Variants in NHSL1 observed in about 807,000 individuals in gnomAD.
NHSL1 encodes NHS-like protein 1.
In NHSL1, 48 loss-of-function variants were observed where a neutral mutation model predicts 95.0. That is an observed-to-expected ratio of 0.51 (90% confidence interval 0.40 to 0.64). The LOEUF (loss-of-function observed/expected upper bound fraction) is 0.64. Ranked by LOEUF, NHSL1 falls within the 30% of genes least tolerant of loss-of-function variation. The probability of loss-of-function intolerance (pLI) is 0.00; values close to 1 mark genes in which losing one functional copy is unlikely to be tolerated. For synonymous variants in NHSL1, 783 were observed against 833.9 expected, an observed-to-expected ratio of 0.94 and a Z score of 1.05; for missense variants, 1,971 against 2,077.7, an observed-to-expected ratio of 0.95 and a Z score of 1.00.
chr6:138,595,097 T>C (rs924316906), intron 1 of NHSL1, among the ~76,000 whole-genome samples: 13 of 152,216 alleles, frequency 8.5e-5, no homozygotes, highest in African/African-American at 2.9e-4. Context: ...ACAATATACA[T>C]CACAGGGTGT....
chr6:138,680,906 C>T (rs1390331865), intron 1 of NHSL1, among the ~76,000 whole-genome samples: 4 of 152,174 alleles, frequency 2.6e-5, no homozygotes, highest in Non-Finnish European at 5.9e-5. Context: ...CATGAGCCAC[C>T]GTGCCCAGCC....
At position 138,517,979 on chromosome 6, in the gene NHSL1, G is replaced by A. The variant is rs530369097; in HGVS notation, c.17-21608C>T. On this transcript the variant is annotated intron_variant, in intron 1 of 4. Transcript: ENST00000342260. ...GTAGCTGCAAGGGAGTCTGGGAAGC[G>A]AACGTTGTTAGTTCTGTGGCTGGTT... Among the ~76,000 whole-genome samples the A allele has an allele frequency of 1.1e-4, 17 of 152,280 alleles. No individual in the cohort carries two copies. The East Asian group carries it at 2.3e-3, about 21-fold the overall frequency.
At position 138,636,122 on chromosome 6, in the gene NHSL1, CAA is replaced by C. The variant is rs199791161; in HGVS notation, c.96+56352_96+56353del. ...TGGGCGACATAGTGAGACTCTGTCT[CAA>C]AAAAAAAAAAAAAAATACATCAACA... is the stretch of plus-strand genomic sequence containing the variant. On this transcript the variant is annotated intron_variant, in intron 1 of 3. Transcript: ENST00000491526. 8.7e-3 allele frequency among the ~76,000 whole-genome samples: 783 copies of C among 89,608 alleles called. 9 individuals carry two copies. In the East Asian group the frequency reaches 0.11, roughly 12 times the overall value. The allele number at this position is 89,608 out of a possible 152,430, so 58.8% of individuals were successfully genotyped here.
At chr6:138,584,052 G>A (rs1281586150) in intron 1 of NHSL1, among the ~76,000 whole-genome samples, 1 of 152,198 alleles carries the variant, frequency 6.6e-6, no homozygotes, top group Non-Finnish European at 1.5e-5. Context: ...CTAGGAGTTT[G>A]AGGCTGCAGT....
intron 5 of NHSL1, among the ~76,000 whole-genome samples, chr6:138,438,880 T>TTATA (rs765909181): frequency 6.6e-6 from 1 of 151,418 alleles, no homozygotes; most frequent in Non-Finnish European, 1.5e-5. Flanking sequence ...TAGCCAAGTG[T>TTATA]TATATATATA....
chr6:138,516,406 G>A (rs964854587), intron 1 of NHSL1, among the ~76,000 whole-genome samples: 10 of 152,022 alleles, frequency 6.6e-5, no homozygotes, highest in African/African-American at 1.2e-4. Flanking sequence ...TTAAATCCCC[G>A]TCTGCTTACA....
intron 1 of NHSL1, among the ~76,000 whole-genome samples, chr6:138,664,563 G>A (rs905747273): frequency 2.0e-5 from 3 of 152,174 alleles, no homozygotes; most frequent in African/African-American, 4.8e-5. Context: ...TAAAGAACAA[G>A]CTCAATAAAT....
intron 1 of NHSL1, among the ~76,000 whole-genome samples, chr6:138,550,956 T>C (rs911249168): frequency 6.6e-6 from 1 of 152,232 alleles, no homozygotes; most frequent in Non-Finnish European, 1.5e-5. Flanking sequence ...TACAGTACAG[T>C]AGTCCTCTCT....
At chr6:138,505,177 G>T (rs560160057) in intron 1 of NHSL1, among the ~76,000 whole-genome samples, 2 of 152,020 alleles carry the variant, frequency 1.3e-5, no homozygotes, top group Non-Finnish European at 2.9e-5. Flanking sequence ...TGTATCAAAT[G>T]CAGTTAAGGT....
intron 1 of NHSL1, among the ~76,000 whole-genome samples, chr6:138,515,002 CT>C (rs1005284044): frequency 6.6e-6 from 1 of 151,856 alleles, no homozygotes; most frequent in Non-Finnish European, 1.5e-5. Flanking sequence ...AAAAAAGTGT[CT>C]ACATGATGAG....
At chr6:138,512,257 C>T in intron 1 of NHSL1, 1 of 454,126 alleles carries the variant, frequency 2.2e-6, no homozygotes, top group South Asian at 1.6e-5. Context: ...ATTACAACTG[C>T]TTTCTGAAGA....
intron 1 of NHSL1, among the ~76,000 whole-genome samples, chr6:138,606,024 T>C (rs926462899): frequency 2.0e-5 from 3 of 152,230 alleles, no homozygotes; most frequent in Non-Finnish European, 2.9e-5. Flanking sequence ...TTTTTAAATA[T>C]GGATTTTGTG....
chr6:138,454,209 G>A (rs749150313), intron 3 of NHSL1, among the ~76,000 whole-genome samples: 2 of 152,008 alleles, frequency 1.3e-5, no homozygotes, highest in Non-Finnish European at 2.9e-5. Flanking sequence ...GTGTGCGTGC[G>A]TGCATAAACT....
intron 3 of NHSL1, among the ~76,000 whole-genome samples, chr6:138,466,045 G>C (rs1397549876): frequency 2.1e-5 from 3 of 139,898 alleles, no homozygotes; most frequent in East Asian, 4.5e-4. Flanking sequence ...CCTTTTTGGG[G>C]GGGGGGCAGG....
rs1019141875 is a variant in NHSL1 at position 138,422,838 on chromosome 6, A to G, written c.*1243T>C. 1 of 152,210 alleles carries G rather than the reference A, an allele frequency of 6.6e-6. No homozygotes were observed. The highest frequency in any genetic ancestry group is 1.5e-5 in the Non-Finnish European group (1 of 68,030). The allele number at this position is 152,210 out of a possible 1,614,324, so 9.4% of individuals were successfully genotyped here. The stretch of plus-strand genomic sequence containing the variant: ...TCTAAAAATTCATTTCCCAGGGCTA[A>G]TTGATAGCCAGGCCCTACCAATTTT... On this transcript the variant is annotated 3_prime_UTR_variant, in exon 8 of 8. Coordinates refer to ENST00000343505, the MANE Select transcript of NHSL1 (RefSeq NM_001144060.2).
intron 3 of NHSL1, chr6:138,464,184 C>T: frequency 1.4e-6 from 1 of 701,902 alleles, no homozygotes; most frequent in Non-Finnish European, 2.4e-6. Flanking sequence ...TACCTGGGCA[C>T]CAGGGGCAGC....
intron 5 of NHSL1, among the ~76,000 whole-genome samples, chr6:138,437,200 G>T (rs1482872464): frequency 6.6e-6 from 1 of 150,660 alleles, no homozygotes; most frequent in Non-Finnish European, 1.5e-5. Flanking sequence ...CTTGAACCCA[G>T]GAGGCGGAGG....
chr6:138,533,490 G>C (rs1389356757), intron 1 of NHSL1, among the ~76,000 whole-genome samples: 3 of 152,150 alleles, frequency 2.0e-5, no homozygotes, highest in African/African-American at 7.2e-5. Context: ...GGAGGTTGCG[G>C]TGAGCCGAGA....
chr6:138,673,031 GTAGA>G (rs113615261), intron 1 of NHSL1, among the ~76,000 whole-genome samples: 5,001 of 148,118 alleles, frequency 0.034, 95 homozygotes, highest in South Asian at 0.073. Flanking sequence ...AGATAGATAG[GTAGA>G]TAGATAGATA....
Sources: gnomAD v4.1 joint callset for allele counts (sites outside exome capture counted in the v4.1 genomes callset) on GRCh38, gnomAD v4.1.1 for gene constraint, MANE v1.5 for transcripts, NCBI Gene and HGNC (gene_info 2026-07-23, HGNC 2026-07-21) for gene names.